CERCAM: variants seen among roughly 807,000 people sequenced by gnomAD.
The protein encoded by CERCAM is cerebral endothelial cell adhesion molecule.
CERCAM carries 59 observed loss-of-function variants against 66.0 expected under a neutral mutation model. The ratio of observed to expected loss-of-function variants is 0.89; its 90% CI spans 0.73 to 1.11. The LOEUF is 1.11. CERCAM is among the 50% of genes most tolerant of loss of function. The pLI is 0.00. For missense variants in CERCAM, 840 were observed against 828.3 expected (o/e 1.01, Z -0.17); for synonymous variants, 318 against 343.6 (o/e 0.93, Z 0.83).
chr9:128,428,638 C>G, intron 6 of CERCAM, 119 bp from the exon 7 acceptor site: 1 of 1,212,624 alleles, frequency 8.2e-7, no homozygotes, highest in Non-Finnish European at 1.2e-6. Context: ...TCTCTGAGGT[C>G]CCGTCCTGTG....
At chr9:128,427,420 G>C (rs1833870597) in intron 5 of CERCAM, among the ~76,000 whole-genome samples, 1 of 151,698 alleles carries the variant, frequency 6.6e-6, no homozygotes, top group Non-Finnish European at 1.5e-5. Flanking sequence ...GCCTAGGTTA[G>C]CTTTTTAATT....
chr9:128,431,511 G>A, intron 9 of CERCAM: 1 of 593,826 alleles, frequency 1.7e-6, no homozygotes, highest in Non-Finnish European at 2.9e-6. Flanking sequence ...CATCTACTAT[G>A]TGCTAGGAGA....
intron 4 of CERCAM, 40 bp from the exon 5 acceptor site, chr9:128,424,370 G>A: frequency 1.9e-6 from 3 of 1,612,840 alleles, no homozygotes; most frequent in Non-Finnish European, 2.5e-6. Context: ...GGCAGGGGCA[G>A]GGGAGCCCTC....
chr9:128,424,581 A>G lies in CERCAM; in HGVS notation c.733A>G (p.Ile245Val). The G allele has an allele frequency of 1.2e-6, 2 of 1,614,140 alleles. No homozygotes were observed. The highest frequency in any genetic ancestry group is 2.2e-5 in the East Asian group (1 of 44,888). The change falls in exon 5 of 13, where the codon ATC (isoleucine) becomes GTC (valine). Residue 245 changes from isoleucine to valine, a missense_variant. Coordinates refer to ENST00000372838, the MANE Select transcript of CERCAM (RefSeq NM_016174.5). ...HPNYTWPFDDIIVFAYACQAA... is the reference protein window; with the variant it reads ...HPNYTWPFDDVIVFAYACQAA... The stretch of plus-strand genomic sequence containing the variant: ...CAACTACACTTGGCCTTTCGACGAC[A>G]TCATCGTCTTCGCCTATGCCTGCCA...
At position 128,431,266 on chromosome 9, in the gene CERCAM, T is replaced by C. The variant is rs1833969433; in HGVS notation, c.1166T>C (p.Val389Ala). The change falls in exon 9 of 13, where the codon GTG becomes GCG. Residue 389 changes from valine (V) to alanine (A), a missense_variant. Transcript: ENST00000372838. ...GGCCGCACTCTGACCAAGGGCGAGG[T>C]GGGCTGCTTCCTCAGCCATTACTCC... ...YSGRTLTKGEVGCFLSHYSIW... is the reference protein window; with the variant it reads ...YSGRTLTKGEAGCFLSHYSIW... 1 of 1,613,940 alleles carries C rather than the reference T, an allele frequency of 6.2e-7. No homozygotes were observed. The highest frequency in any genetic ancestry group is 8.5e-7 in the Non-Finnish European group (1 of 1,180,014).
chr9:128,436,134 C>T (rs1436468826), intron 12 of CERCAM, among the ~76,000 whole-genome samples: 1 of 152,228 alleles, frequency 6.6e-6, no homozygotes, highest in African/African-American at 2.4e-5. Flanking sequence ...TGGCTCACTG[C>T]AACCTCTGCC....
Position 128,428,981 on chromosome 9 carries a change from G to A in CERCAM, c.1015G>A (p.Ala339Thr), listed in dbSNP as rs763419441. 48 of 1,611,038 alleles carry A rather than the reference G, an allele frequency of 3.0e-5. No homozygotes were observed. Among genetic ancestry groups the A allele is most frequent in the East Asian group, 1.8e-4 (8 of 44,852 alleles). ...GCCTGACCGTCGGGAACGCATGCTCGCCTCGCTCTGGGAGATGGAGATCTC... is the reference window on the plus strand; with the variant it reads ...GCCTGACCGTCGGGAACGCATGCTCACCTCGCTCTGGGAGATGGAGATCTC... ...RRPDRRERML[A>T]SLWEMEISGR... Residue 339 changes from alanine (A) to threonine (T), a missense_variant, in exon 8 of 13, where the codon GCC (alanine) becomes ACC (threonine). Ala to Thr is a moderately conservative substitution (Grantham distance 58). Coordinates refer to ENST00000372838, the MANE Select transcript of CERCAM (RefSeq NM_016174.5).
intron 6 of CERCAM, 140 bp from the exon 7 acceptor site, chr9:128,428,617 G>C (rs1833901364): frequency 9.0e-7 from 1 of 1,106,874 alleles, no homozygotes; most frequent in African/African-American, 1.5e-5. Context: ...GGGGGCAGGT[G>C]GATCCTGTGA....
chr9:128,435,864 A>G lies in CERCAM; in HGVS notation c.1747A>G (p.Ser583Gly). 6.2e-7 allele frequency: 1 copy of G among 1,608,604 alleles called. No individual in the cohort carries two copies. The highest frequency in any genetic ancestry group is 8.5e-7 in the Non-Finnish European group (1 of 1,179,100). ...CCCCCGCCTGGACCTGACTGGCAGCAGCGGGCACAGCCTCCAACCCCAGCC... is the reference window on the plus strand; with the variant it reads ...CCCCCGCCTGGACCTGACTGGCAGCGGCGGGCACAGCCTCCAACCCCAGCC... ...RSPRLDLTGSSGHSLQPQPRD... is the reference protein window; with the variant it reads ...RSPRLDLTGSGGHSLQPQPRD... Residue 583 changes from serine (S) to glycine (G), a missense_variant, in exon 12 of 13, where the codon AGC becomes GGC. Ser to Gly is a moderately conservative substitution (Grantham distance 56). Transcript: ENST00000372838.
In CERCAM at chr9:128,434,736, A is replaced by G; in HGVS notation, c.1535+123A>G. Reference sequence around the variant, plus strand: ...AGACTGGGACTGGCAAGGCCAAGCCACTTGGCCCAGGTCACCAAGGAGTGG... The same window carrying G: ...AGACTGGGACTGGCAAGGCCAAGCCGCTTGGCCCAGGTCACCAAGGAGTGG... On this transcript the variant is annotated intron_variant, in intron 11 of 12. Coordinates refer to ENST00000372838, the MANE Select transcript of CERCAM (RefSeq NM_016174.5). This position sits in a 1 kb window ranked among gnomAD's most constrained non-coding sequence, Gnocchi z 4.5. 3 of 957,952 alleles carry G rather than the reference A, an allele frequency of 3.1e-6. No homozygotes were observed. Among genetic ancestry groups the G allele is most frequent in the Non-Finnish European group, 4.6e-6 (3 of 648,910 alleles). 59.3% of individuals were successfully genotyped at this position (957,952 alleles called of 1,614,324 possible). A position where few individuals can be genotyped will look rare whatever the true frequency, so the allele number is the denominator to read the frequency against.
chr9:128,435,130 A>G (rs967935225), intron 11 of CERCAM, among the ~76,000 whole-genome samples: 1 of 151,996 alleles, frequency 6.6e-6, no homozygotes, highest in African/African-American at 2.4e-5. Flanking sequence ...AGTAGCTGGG[A>G]TTACAGGTGC....
chr9:128,430,885 T>A, intron 8 of CERCAM: 1 of 270,158 alleles, frequency 3.7e-6, no homozygotes, highest in Non-Finnish European at 6.9e-6. Context: ...GCTGGGCACC[T>A]GTAATCTCAG....
At chr9:128,433,308 C>T (rs1045229306) in intron 9 of CERCAM, among the ~76,000 whole-genome samples, 100 of 150,046 alleles carry the variant, frequency 6.7e-4, no homozygotes, top group Non-Finnish European at 1.1e-3. Context: ...AAAATTAGCC[C>T]GGTGTGGTGG....
Position 128,431,231 on chromosome 9 carries a change from C to A in CERCAM, c.1131C>A (p.Asp377Glu). Residue 377 changes from aspartate to glutamate, a missense_variant, in exon 9 of 13, where the codon GAC becomes GAA. By Grantham distance (45) the Asp-to-Glu change is conservative. Coordinates refer to ENST00000372838, the MANE Select transcript of CERCAM (RefSeq NM_016174.5). The part of the protein sequence containing the change: ...LGVDLLPGYQ[D>E]PYSGRTLTKG... The stretch of plus-strand genomic sequence containing the variant: ...TAGACCTGCTCCCGGGCTACCAGGA[C>A]CCTTACTCGGGCCGCACTCTGACCA... 6.2e-7 allele frequency: 1 copy of A among 1,614,088 alleles called. No individual in the cohort carries two copies. Among genetic ancestry groups the A allele is most frequent in the Non-Finnish European group, 8.5e-7 (1 of 1,180,024 alleles).
intron 1 of CERCAM, 61 bp from the exon 2 acceptor site, chr9:128,422,807 G>T: frequency 1.3e-6 from 2 of 1,586,698 alleles, no homozygotes; most frequent in African/African-American, 1.3e-5. Flanking sequence ...TGGGGTCAAG[G>T]CTGCCTTGGG....
chr9:128,434,323 G>T lies in CERCAM; in HGVS notation c.1332-87G>T. 1 of 1,603,326 alleles carries T rather than the reference G, an allele frequency of 6.2e-7. No homozygotes were observed. Among genetic ancestry groups the T allele is most frequent in the East Asian group, 2.2e-5 (1 of 44,706 alleles). The stretch of plus-strand genomic sequence containing the variant: ...GGACCCTGGCCGGCCCATCCCCTGA[G>T]AGCCTGGCCCTGTAGGAGCGGGTGT... On this transcript the variant is annotated intron_variant, in intron 10 of 12. Transcript: ENST00000372838. This position sits in a 1 kb window ranked among gnomAD's most constrained non-coding sequence, Gnocchi z 4.5.
rs768167210 is a variant in CERCAM, at chr9:128,434,113, G to A, written c.1215G>A (p.Arg405=). 4 of 1,614,156 alleles carry A rather than the reference G, an allele frequency of 2.5e-6. No individual in the cohort carries two copies. In the South Asian group the frequency reaches 3.3e-5, roughly 13 times the overall value. Residue 405 remains arginine (R), a synonymous_variant, in exon 10 of 13, where the codon AGG becomes AGA. Transcript: ENST00000372838. This position sits in a 1 kb window ranked among gnomAD's most constrained non-coding sequence, Gnocchi z 4.5. ...HYSIWEEVVA[R]GLARVLVFED... ...ATTGTATGCCACAGGTGGTTGCCAG[G>A]GGCCTGGCCCGGGTCCTGGTGTTTG...
At position 128,424,609 on chromosome 9, in the gene CERCAM, C is replaced by T; in HGVS notation, c.761C>T (p.Ala254Val). Residue 254 changes from alanine to valine, a missense_variant, in exon 5 of 13, where the codon GCT becomes GTT. Physicochemically the swap from Ala to Val is moderately conservative, Grantham distance 64. Transcript: ENST00000372838. ...DIIVFAYACQ[A>V]AGVSVHVCNE... ...ATCGTCTTCGCCTATGCCTGCCAGG[C>T]TGCTGGTGAGGACCAGCCCTCCTTT... 1 of 1,614,038 alleles carries T rather than the reference C, an allele frequency of 6.2e-7. No individual in the cohort carries two copies. The highest frequency in any genetic ancestry group is 8.5e-7 in the Non-Finnish European group (1 of 1,180,008).
chr9:128,419,606 G>A (rs1395520728), upstream of CERCAM: 3 of 152,240 alleles, frequency 2.0e-5, no homozygotes, highest in Non-Finnish European at 2.9e-5. Context: ...AGGCTCCTGA[G>A]GGAAAGGGAC....
Sources: allele counts gnomAD v4.1 joint callset (sites outside exome capture counted in the v4.1 genomes callset), GRCh38; gene constraint gnomAD v4.1.1; non-coding constraint Gnocchi (gnomAD v3.1); transcripts MANE v1.5; gene names NCBI Gene and HGNC (gene_info 2026-07-23, HGNC 2026-07-21).